Variants in SLC22A23 observed in about 807,000 individuals in gnomAD.
SLC22A23 encodes the protein solute carrier family 22 member 23.
In SLC22A23, 26 loss-of-function variants were observed where a neutral mutation model predicts 61.0. The ratio of observed to expected loss-of-function variants is 0.43; its 90% confidence interval spans 0.31 to 0.59. The LOEUF (loss-of-function observed/expected upper bound fraction) is 0.59, where lower values mean the gene tolerates loss of function less well. SLC22A23 is among the 20% of genes least tolerant of loss of function. The pLI is 0.11. For missense variants in SLC22A23, 796 were observed against 934.7 expected (o/e 0.85, Z 1.94); for synonymous variants, 430 against 413.9 (o/e 1.04, Z -0.47).
chr6:3,273,373 G>A lies in SLC22A23; in HGVS notation c.1743C>T (p.Phe581=), dbSNP rs761568028. The change falls in exon 10 of 10, where the codon TTC becomes TTT. Residue 581 remains phenylalanine, a synonymous_variant. Transcript: ENST00000406686. ...GLGLVLASAG[F]GMLTAPIIEL... ...CGATGATGGGTGCCGTCAGCATGCC[G>A]AAGCCCGCGCTGGCCAGCACCAGCC... 20 of 1,612,828 alleles carry A rather than the reference G, an allele frequency of 1.2e-5. 1 individual carries two copies. Among genetic ancestry groups the A allele is most frequent in the Admixed American group, 1.7e-5 (1 of 60,006 alleles).
chr6:3,292,833 C>T (rs1181175690), intron 5 of SLC22A23, among the ~76,000 whole-genome samples: 3 of 152,122 alleles, frequency 2.0e-5, no homozygotes, highest in Non-Finnish European at 2.9e-5. Flanking sequence ...TGGGAGAACT[C>T]GGCGCGGCCT....
chr6:3,371,031 G>A (rs904549606), intron 3 of SLC22A23, among the ~76,000 whole-genome samples: 3 of 152,200 alleles, frequency 2.0e-5, no homozygotes, highest in Non-Finnish European at 4.4e-5. Flanking sequence ...TCGAGCTGAC[G>A]AGGATGTTAT....
rs1054746030 is a variant in SLC22A23 at position 3,390,849 on chromosome 6, C to A, written c.913+19339G>T. The stretch of plus-strand genomic sequence containing the variant: ...TCTGCCAAACCACTGGCTTCCAATG[C>A]GGAAGCTGGAGTTCTGCCCAGAAGC... On this transcript the variant is annotated intron_variant, in intron 3 of 9. Coordinates refer to ENST00000406686, the MANE Select transcript of SLC22A23 (RefSeq NM_015482.2). The surrounding 1 kb of genome is among the most constrained non-coding windows in gnomAD (Gnocchi z 4.0). Among the ~76,000 whole-genome samples, 2 of 152,162 alleles carry A rather than the reference C, an allele frequency of 1.3e-5. No homozygotes were observed. The highest frequency in any genetic ancestry group is 4.8e-5 in the African/African-American group (2 of 41,438).
chr6:3,420,851 T>C (rs559859241), intron 1 of SLC22A23, among the ~76,000 whole-genome samples: 11 of 152,294 alleles, frequency 7.2e-5, no homozygotes, highest in African/African-American at 2.6e-4. Flanking sequence ...ACGCATATAA[T>C]CCCAGCACTT....
chr6:3,326,457 C>T (rs573828359), intron 3 of SLC22A23, among the ~76,000 whole-genome samples: 1 of 152,164 alleles, frequency 6.6e-6, no homozygotes, highest in East Asian at 1.9e-4. Flanking sequence ...CCAGACAACT[C>T]CTTGAGAAGC....
intron 3 of SLC22A23, among the ~76,000 whole-genome samples, chr6:3,341,287 C>T (rs1003450364): frequency 2.6e-5 from 4 of 152,144 alleles, no homozygotes; most frequent in African/African-American, 9.7e-5. Context: ...AAAAGTTATG[C>T]CATTGAAGCA....
intron 1 of SLC22A23, among the ~76,000 whole-genome samples, chr6:3,417,270 T>C (rs1036895206): frequency 5.3e-5 from 8 of 152,184 alleles, no homozygotes; most frequent in Non-Finnish European, 1.0e-4. Flanking sequence ...AACACAGGTA[T>C]GCTTTCCAGA....
At chr6:3,453,573 C>G (rs1250021548) in intron 1 of SLC22A23, among the ~76,000 whole-genome samples, 1 of 152,118 alleles carries the variant, frequency 6.6e-6, no homozygotes, top group African/African-American at 2.4e-5. Flanking sequence ...GAAAGAGGTC[C>G]AGAACTGTGC....
In SLC22A23 at chr6:3,360,944, G is replaced by A. The variant is rs1405242967; in HGVS notation, c.914-36942C>T. Among the ~76,000 whole-genome samples the A allele has an allele frequency of 1.3e-5, 2 of 152,228 alleles. No homozygotes were observed. The highest frequency in any genetic ancestry group is 1.9e-4 in the East Asian group (1 of 5,192). ...AGAGCGTGGTACTGGGGTGACGAGA[G>A]GCGCTAGCGAACATCAGCAGCTGCG... On this transcript the variant is annotated intron_variant, in intron 3 of 9. Coordinates refer to ENST00000406686, the MANE Select transcript of SLC22A23 (RefSeq NM_015482.2). The surrounding 1 kb of genome is among the most constrained non-coding windows in gnomAD (Gnocchi z 4.6).
chr6:3,452,838 C>T (rs1282605271), intron 1 of SLC22A23, among the ~76,000 whole-genome samples: 6 of 152,042 alleles, frequency 3.9e-5, no homozygotes, highest in South Asian at 2.1e-4. Context: ...AAGATCCTAA[C>T]GGGAGAGATC....
intron 1 of SLC22A23, among the ~76,000 whole-genome samples, chr6:3,429,500 G>A (rs550779302): frequency 6.3e-5 from 9 of 143,104 alleles, no homozygotes; most frequent in Non-Finnish European, 1.4e-4. Flanking sequence ...AGCCCAAGCC[G>A]ATTAGGAAGT....
Position 3,333,415 on chromosome 6 carries a change from T to C in SLC22A23, c.914-9413A>G, listed in dbSNP as rs1489575137. On this transcript the variant is annotated intron_variant, in intron 3 of 9. Coordinates refer to ENST00000406686, the MANE Select transcript of SLC22A23 (RefSeq NM_015482.2). The surrounding 1 kb of genome is among the most constrained non-coding windows in gnomAD (Gnocchi z 4.1). ...AAGCAAAGTCTTTCACAGTGACCCA[T>C]GTGATTTCCACCCCTCCCGCATCCC... 6.6e-6 allele frequency among the ~76,000 whole-genome samples: 1 copy of C among 152,024 alleles called. No homozygotes were observed. The highest frequency in any genetic ancestry group is 1.5e-5 in the Non-Finnish European group (1 of 67,986).
At position 3,327,720 on chromosome 6, in the gene SLC22A23, A is replaced by G. The variant is rs961423751; in HGVS notation, c.914-3718T>C. ...GCTATGTGTTACAATCTCGTGCATT[A>G]TTTTTCCAGATTTTGGAATACTTGC... On this transcript the variant is annotated intron_variant, in intron 3 of 9. Transcript: ENST00000406686. The surrounding 1 kb of genome is among the most constrained non-coding windows in gnomAD (Gnocchi z 4.1). Among the ~76,000 whole-genome samples the G allele has an allele frequency of 6.6e-6, 1 of 152,088 alleles. No individual in the cohort carries two copies. The highest frequency in any genetic ancestry group is 1.9e-4 in the East Asian group (1 of 5,196).
intron 1 of SLC22A23, among the ~76,000 whole-genome samples, chr6:3,442,065 G>C (rs1225489237): frequency 1.3e-5 from 2 of 152,224 alleles, no homozygotes; most frequent in African/African-American, 4.8e-5. Context: ...ACAGAATGTG[G>C]TGCAGGCACA....
At chr6:3,325,903 C>T (rs1233918686) in intron 3 of SLC22A23, among the ~76,000 whole-genome samples, 1 of 152,202 alleles carries the variant, frequency 6.6e-6, no homozygotes, top group Non-Finnish European at 1.5e-5. Context: ...ATGATGGCGT[C>T]GTATCAGTGG....
intron 1 of SLC22A23, among the ~76,000 whole-genome samples, chr6:3,450,489 T>G (rs1207188394): frequency 6.6e-6 from 1 of 152,100 alleles, no homozygotes; most frequent in African/African-American, 2.4e-5. Flanking sequence ...GTATTTTTAG[T>G]AGAGATGGGG....
At chr6:3,447,362 C>T (rs2127556513) in intron 1 of SLC22A23, among the ~76,000 whole-genome samples, 1 of 152,202 alleles carries the variant, frequency 6.6e-6, no homozygotes, top group East Asian at 1.9e-4. Context: ...TGTTGTTGTT[C>T]TAGTCTCTCA....
rs78280481 is a variant in SLC22A23 at position 3,436,154 on chromosome 6, T to C, written c.654+19752A>G. 5.0e-3 allele frequency among the ~76,000 whole-genome samples: 743 copies of C among 147,954 alleles called. 9 individuals are homozygous for C. Among genetic ancestry groups the C allele is most frequent in the African/African-American group, 0.018 (716 of 40,486 alleles). On this transcript the variant is annotated intron_variant, in intron 1 of 9. Coordinates refer to ENST00000406686, the MANE Select transcript of SLC22A23 (RefSeq NM_015482.2). ...TCTCTGGACTTCCAGAAATGTCATC[T>C]ATACTTTTTTTTTTTGAGACGGAGT...
At chr6:3,402,355 A>G (rs766758528) in intron 3 of SLC22A23, among the ~76,000 whole-genome samples, 45 of 112,956 alleles carry the variant, frequency 4.0e-4, no homozygotes, top group Non-Finnish European at 5.9e-4. Flanking sequence ...GTCATGGAGG[A>G]TAGGTCTGTG....
Sources: gnomAD v4.1 joint callset for allele counts (sites outside exome capture counted in the v4.1 genomes callset) on GRCh38, gnomAD v4.1.1 for gene constraint, Gnocchi (gnomAD v3.1) non-coding constraint, MANE v1.5 for transcripts, NCBI Gene and HGNC (gene_info 2026-07-23, HGNC 2026-07-21) for gene names.